Variants in ELMO1 observed in about 807,000 individuals in gnomAD.
ELMO1 encodes engulfment and cell motility protein 1.
ELMO1 carries 26 observed loss-of-function variants against 98.9 expected under a neutral mutation model. That is an observed-to-expected ratio of 0.26 (90% confidence interval 0.19 to 0.36). ELMO1 has a LOEUF of 0.36. Ranked by LOEUF, ELMO1 falls within the 10% of genes least tolerant of loss-of-function variation. The probability of loss-of-function intolerance (pLI) is 1.00; values close to 1 mark genes in which losing one functional copy is unlikely to be tolerated. For synonymous variants in ELMO1, 346 were observed against 346.0 expected (o/e 1.00, Z 0.00); for missense variants, 627 against 935.2 (o/e 0.67, Z 4.30).
At chr7:37,341,430 G>C (rs560697494) in intron 2 of ELMO1, among the ~76,000 whole-genome samples, 1 of 152,108 alleles carries the variant, frequency 6.6e-6, no homozygotes, top group Non-Finnish European at 1.5e-5. Flanking sequence ...AAATATATCC[G>C]AAACTATTAG....
intron 1 of ELMO1, among the ~76,000 whole-genome samples, chr7:37,357,997 A>G (rs1415525729): frequency 6.6e-6 from 1 of 152,174 alleles, no homozygotes; most frequent in African/African-American, 2.4e-5. Context: ...CTGAAAGCCA[A>G]TATTATTGAT....
chr7:36,903,734 G>C (rs1783754571), intron 16 of ELMO1, among the ~76,000 whole-genome samples: 1 of 152,224 alleles, frequency 6.6e-6, no homozygotes, highest in Non-Finnish European at 1.5e-5. Flanking sequence ...TGCAGTTCCA[G>C]CGAAAAGGGA....
At chr7:37,014,710 G>A (rs577864758) in intron 15 of ELMO1, among the ~76,000 whole-genome samples, 82 of 151,874 alleles carry the variant, frequency 5.4e-4, no homozygotes, top group South Asian at 2.3e-3. Context: ...CCACTTCTGA[G>A]TGAGAACACA....
At chr7:36,926,800 C>T (rs538210970) in intron 16 of ELMO1, among the ~76,000 whole-genome samples, 1 of 152,216 alleles carries the variant, frequency 6.6e-6, no homozygotes, top group Non-Finnish European at 1.5e-5. Context: ...TATATTGATA[C>T]TCATGATTTA....
rs1049859540 is a variant in ELMO1, at chr7:37,093,489, G to A, written c.1300+3130C>T. 2.0e-5 allele frequency among the ~76,000 whole-genome samples: 3 copies of A among 152,166 alleles called. No homozygotes were observed. The South Asian group carries it at 6.2e-4, about 31-fold the overall frequency. ...AATTATTAACACAAATCTGAGAAGT[G>A]TTCAGAACTATGAACTTAGGAATGG... is the stretch of plus-strand genomic sequence containing the variant. On this transcript the variant is annotated intron_variant, in intron 15 of 21. Coordinates refer to ENST00000310758, the MANE Select transcript of ELMO1 (RefSeq NM_014800.11).
intron 16 of ELMO1, among the ~76,000 whole-genome samples, chr7:36,932,115 T>C (rs897908895): frequency 2.6e-5 from 4 of 152,090 alleles, no homozygotes; most frequent in Non-Finnish European, 5.9e-5. Context: ...GAACACTTAG[T>C]ATAGCTGTGG....
At chr7:37,431,330 C>T (rs1000353222) in intron 1 of ELMO1, among the ~76,000 whole-genome samples, 2 of 122,298 alleles carry the variant, frequency 1.6e-5, no homozygotes, top group East Asian at 2.5e-4. Context: ...GAGCAAGACC[C>T]TGTCTCTAAA....
At chr7:37,188,578 T>C (rs1584783494) in intron 13 of ELMO1, among the ~76,000 whole-genome samples, 1 of 150,784 alleles carries the variant, frequency 6.6e-6, no homozygotes, top group African/African-American at 2.4e-5. Flanking sequence ...TGGCTGTGGG[T>C]ATTTAGAGAA....
At chr7:36,969,638 G>T (rs1240108617) in intron 16 of ELMO1, among the ~76,000 whole-genome samples, 1 of 151,884 alleles carries the variant, frequency 6.6e-6, no homozygotes, top group Admixed American at 6.6e-5. Context: ...GGGGGTGTGG[G>T]GTAGGAGGTG....
chr7:37,042,481 A>G (rs1222869810), intron 15 of ELMO1, among the ~76,000 whole-genome samples: 1 of 152,190 alleles, frequency 6.6e-6, no homozygotes, highest in African/African-American at 2.4e-5. Flanking sequence ...AGCCCAAAAC[A>G]GAGTTGCTCA....
At chr7:37,252,427 C>CT (rs1795402553) in intron 6 of ELMO1, among the ~76,000 whole-genome samples, 1 of 152,134 alleles carries the variant, frequency 6.6e-6, no homozygotes, top group African/African-American at 2.4e-5. Context: ...AATAATGCCA[C>CT]ACATCTACAA....
At chr7:37,297,014 C>T (rs1360906101) in intron 4 of ELMO1, among the ~76,000 whole-genome samples, 1 of 152,136 alleles carries the variant, frequency 6.6e-6, no homozygotes, top group East Asian at 1.9e-4. Context: ...TGGGTGGATT[C>T]ATGCCTGATT....
In ELMO1 at chr7:37,112,608, C is replaced by T. The variant is rs182144109; in HGVS notation, c.1192-15881G>A. 9.2e-5 allele frequency among the ~76,000 whole-genome samples: 14 copies of T among 152,264 alleles called. No individual in the cohort carries two copies. The East Asian group carries it at 2.7e-3, about 29-fold the overall frequency. On this transcript the variant is annotated intron_variant, in intron 14 of 21. Coordinates refer to ENST00000310758, the MANE Select transcript of ELMO1 (RefSeq NM_014800.11). ...TACAGAGCAGCATTTGATAAACCAACCAAAGAGAAGTTAGTTGTTAGGGTT... is the reference window on the plus strand; with the variant it reads ...TACAGAGCAGCATTTGATAAACCAATCAAAGAGAAGTTAGTTGTTAGGGTT...
At chr7:37,351,137 G>A (rs1342012397) in intron 1 of ELMO1, 1 of 152,146 alleles carries the variant, frequency 6.6e-6, no homozygotes. Context: ...TAAAAATTTA[G>A]AGACAGTGCT....
intron 13 of ELMO1, among the ~76,000 whole-genome samples, chr7:37,199,747 C>T (rs989888832): frequency 5.3e-5 from 8 of 152,180 alleles, no homozygotes; most frequent in Non-Finnish European, 8.8e-5. Context: ...TCCTTAGGGG[C>T]CCCACTGCAC....
chr7:37,227,083 A>G (rs111531482), intron 8 of ELMO1, among the ~76,000 whole-genome samples: 8 of 152,302 alleles, frequency 5.3e-5, no homozygotes, highest in African/African-American at 1.9e-4. Flanking sequence ...CTTCCCAATT[A>G]TCACTCTTTT....
chr7:36,955,562 AAT>A (rs559445047), intron 16 of ELMO1, among the ~76,000 whole-genome samples: 42 of 152,340 alleles, frequency 2.8e-4, no homozygotes, highest in African/African-American at 1.0e-3. Flanking sequence ...GTATCAAATA[AAT>A]ATGAGTGTTC....
chr7:37,319,588 T>C (rs59372283), intron 2 of ELMO1, among the ~76,000 whole-genome samples: 2,150 of 152,286 alleles, frequency 0.014, 44 homozygotes, highest in African/African-American at 0.049. Flanking sequence ...TCCAATCAAC[T>C]GCTTCCCTAG....
chr7:37,285,592 T>C lies in ELMO1; in HGVS notation c.193-13710A>G, dbSNP rs75145865. Among the ~76,000 whole-genome samples the C allele has an allele frequency of 2.5e-3, 386 of 152,254 alleles. 3 individuals are homozygous for C. The highest frequency in any genetic ancestry group is 9.0e-3 in the African/African-American group (375 of 41,544). On this transcript the variant is annotated intron_variant, in intron 4 of 21. Transcript: ENST00000310758. Reference sequence around the variant, plus strand: ...AAATAGCAAAATTGCACCAAACATATAGAATATAATGTGTGTTCATGCACT... The same window carrying C: ...AAATAGCAAAATTGCACCAAACATACAGAATATAATGTGTGTTCATGCACT...
Sources: allele counts gnomAD v4.1 joint callset (sites outside exome capture counted in the v4.1 genomes callset), GRCh38; gene constraint gnomAD v4.1.1; transcripts MANE v1.5; gene names NCBI Gene and HGNC (gene_info 2026-07-23, HGNC 2026-07-21).